SPECC1: variants seen among roughly 807,000 people sequenced by gnomAD.
SPECC1 encodes sperm antigen with calponin homology and coiled-coil domains 1, also known as cytospin-B.
In SPECC1, 62 loss-of-function variants were observed where a neutral mutation model predicts 104.1. The ratio of observed to expected loss-of-function variants is 0.60; its 90% confidence interval spans 0.49 to 0.74. The LOEUF (loss-of-function observed/expected upper bound fraction) is 0.74. Ranked by LOEUF, SPECC1 falls within the 30% of genes least tolerant of loss-of-function variation. The pLI is 0.00. For synonymous variants in SPECC1, 513 were observed against 501.6 expected, an observed-to-expected ratio of 1.02 and a Z score of -0.30; for missense variants, 1,306 against 1,310.5, an observed-to-expected ratio of 1.00 and a Z score of 0.05.
intron 1 of SPECC1, among the ~76,000 whole-genome samples, chr17:20,086,052 T>C (rs2047164913): frequency 6.6e-6 from 1 of 150,668 alleles, no homozygotes; most frequent in Non-Finnish European, 1.5e-5. Flanking sequence ...CTCCCTTCTC[T>C]ACCTGGCCAG....
rs1555538234 is a variant in SPECC1 at position 20,314,700 on chromosome 17, C to CCCCA, written c.*635_*636insCCCA. On this transcript the variant is annotated 3_prime_UTR_variant, in exon 15 of 15. Transcript: ENST00000395527. Reference sequence around the variant, plus strand: ...AACCCTCCCTTCCCCCCTCCCCCCCCAAAAAAAAACAACAAAACACAAAAA... The same window carrying CCCCA: ...AACCCTCCCTTCCCCCCTCCCCCCCCCCCAAAAAAAAAACAACAAAACACAAAAA... 1.1e-5 allele frequency: 2 copies of CCCCA among 189,926 alleles called. No homozygotes were observed. Among genetic ancestry groups the CCCCA allele is most frequent in the African/African-American group, 2.7e-5 (1 of 37,384 alleles). The allele number at this position is 189,926 out of a possible 1,614,324, so 11.8% of individuals were successfully genotyped here. A position where few individuals can be genotyped will look rare whatever the true frequency, so the allele number is the denominator to read the frequency against.
At chr17:20,221,382 A>G (rs924433027) in intron 4 of SPECC1, among the ~76,000 whole-genome samples, 2 of 152,180 alleles carry the variant, frequency 1.3e-5, no homozygotes, top group Non-Finnish European at 2.9e-5. Context: ...TCATGATTCA[A>G]TCTTGTTAGG....
chr17:20,277,234 C>T (rs2040603148), intron 12 of SPECC1, among the ~76,000 whole-genome samples: 1 of 152,130 alleles, frequency 6.6e-6, no homozygotes, highest in Admixed American at 6.5e-5. Flanking sequence ...GACTGAGCCT[C>T]ACGGTAGCAG....
chr17:20,243,403 A>G (rs1488962784), intron 7 of SPECC1, among the ~76,000 whole-genome samples: 1 of 152,184 alleles, frequency 6.6e-6, no homozygotes, highest in African/African-American at 2.4e-5. Flanking sequence ...GGCTGTTACT[A>G]ATTGATCCCA....
intron 3 of SPECC1, among the ~76,000 whole-genome samples, chr17:20,145,784 G>T (rs2031397443): frequency 6.6e-6 from 1 of 152,206 alleles, no homozygotes; most frequent in Non-Finnish European, 1.5e-5. Flanking sequence ...TGGCAGGCAG[G>T]AAGGAAGGAA....
intron 3 of SPECC1, among the ~76,000 whole-genome samples, chr17:20,159,927 T>C (rs2032982349): frequency 6.6e-6 from 1 of 152,184 alleles, no homozygotes; most frequent in Admixed American, 6.5e-5. Context: ...GGCAGGGTTG[T>C]AGCAACCCAG....
chr17:20,177,382 G>A (rs1172334816), intron 3 of SPECC1, among the ~76,000 whole-genome samples: 4 of 152,150 alleles, frequency 2.6e-5, no homozygotes, highest in Non-Finnish European at 5.9e-5. Context: ...GATTGTGTAA[G>A]TAGTTTTCTT....
chr17:20,053,755 A>T (rs1170968533), intron 1 of SPECC1, among the ~76,000 whole-genome samples: 1 of 152,222 alleles, frequency 6.6e-6, no homozygotes, highest in African/African-American at 2.4e-5. Flanking sequence ...CCTTCAGATG[A>T]TGCAACCCCA....
At chr17:20,294,301 C>T (rs749810657) in intron 12 of SPECC1, among the ~76,000 whole-genome samples, 6 of 152,180 alleles carry the variant, frequency 3.9e-5, no homozygotes, top group Non-Finnish European at 8.8e-5. Context: ...TTTTAGTTTC[C>T]TTATCACTGT....
intron 1 of SPECC1, among the ~76,000 whole-genome samples, chr17:20,044,061 C>A (rs1358806339): frequency 6.6e-6 from 1 of 152,082 alleles, no homozygotes; most frequent in African/African-American, 2.4e-5. Flanking sequence ...GCTAAACAGA[C>A]TCCTAAGCTG....
intron 12 of SPECC1, among the ~76,000 whole-genome samples, chr17:20,276,225 T>C (rs988084178): frequency 6.6e-6 from 1 of 152,208 alleles, no homozygotes; most frequent in African/African-American, 2.4e-5. Flanking sequence ...CAAGCAATCC[T>C]CTTTTCTTAG....
chr17:20,282,397 T>G (rs2040803301), intron 12 of SPECC1, among the ~76,000 whole-genome samples: 1 of 152,210 alleles, frequency 6.6e-6, no homozygotes, highest in Non-Finnish European at 1.5e-5. Flanking sequence ...TTTCGCAGTC[T>G]CAAACCCTCG....
chr17:20,290,755 G>A (rs1199997199), intron 12 of SPECC1, among the ~76,000 whole-genome samples: 1 of 152,160 alleles, frequency 6.6e-6, no homozygotes, highest in Non-Finnish European at 1.5e-5. Context: ...AACCTCAAGT[G>A]ATCTGCCCAC....
At position 20,112,941 on chromosome 17, in the gene SPECC1, G is replaced by A. The variant is rs2048567296; in HGVS notation, c.283+2379G>A. ...AGAGGGTCCAACATGAAGGGAGCTA[G>A]ATTTGAAGAGATGCTAACACCACTA... On this transcript the variant is annotated intron_variant, in intron 3 of 14. Transcript: ENST00000395527. The A allele has an allele frequency of 2.8e-6, 4 of 1,412,096 alleles. No homozygotes were observed. The South Asian group carries it at 4.6e-5, about 16-fold the overall frequency. The allele number at this position is 1,412,096 out of a possible 1,614,324, so 87.5% of individuals were successfully genotyped here. A position where few individuals can be genotyped will look rare whatever the true frequency, so the allele number is the denominator to read the frequency against.
intron 7 of SPECC1, chr17:20,239,331 A>T: frequency 1.0e-6 from 1 of 995,236 alleles, no homozygotes; most frequent in Non-Finnish European, 1.2e-6. Flanking sequence ...ACCTGTGAGG[A>T]AATCAGTGTT....
At chr17:20,085,457 G>A (rs888825775) in intron 1 of SPECC1, among the ~76,000 whole-genome samples, 5 of 152,280 alleles carry the variant, frequency 3.3e-5, no homozygotes, top group African/African-American at 9.6e-5. Flanking sequence ...ACTTACTCCT[G>A]TGCAAGGAAC....
intron 3 of SPECC1, among the ~76,000 whole-genome samples, chr17:20,157,645 AC>A (rs1157685092): frequency 3.3e-5 from 5 of 152,178 alleles, no homozygotes; most frequent in African/African-American, 4.8e-5. Flanking sequence ...TACTCTTGTT[AC>A]AGCTTTTAAG....
chr17:20,024,879 C>G (rs1251592011), intron 1 of SPECC1, among the ~76,000 whole-genome samples: 1 of 152,132 alleles, frequency 6.6e-6, no homozygotes, highest in East Asian at 1.9e-4. Context: ...TTAGTCCTGC[C>G]CTAAACCTTG....
intron 3 of SPECC1, among the ~76,000 whole-genome samples, chr17:20,187,798 A>G (rs1242489444): frequency 1.3e-5 from 2 of 152,206 alleles, no homozygotes; most frequent in African/African-American, 4.8e-5. Flanking sequence ...CTCTCTAGGC[A>G]GTTTATCCAA....
Sources: allele counts gnomAD v4.1 joint callset (sites outside exome capture counted in the v4.1 genomes callset), GRCh38; gene constraint gnomAD v4.1.1; transcripts MANE v1.5; gene names NCBI Gene and HGNC (gene_info 2026-07-23, HGNC 2026-07-21).